The following RGS22 variants were observed in gnomAD, a reference collection of about 807,000 sequenced individuals.
RGS22 encodes regulator of G protein signaling 22.
RGS22 carries 148 observed loss-of-function variants against 172.9 expected under a neutral mutation model. The observed-to-expected ratio is 0.86, with a 90% CI of 0.75 to 0.98. RGS22 has a LOEUF of 0.98. Among genes scored for constraint, RGS22 ranks in the 50% least tolerant of loss-of-function variants. RGS22 has a pLI of 0.00. For missense variants in RGS22, 1,347 were observed against 1,440.8 expected (o/e 0.93, Z 1.05); for synonymous variants, 458 against 480.2 (o/e 0.95, Z 0.60).
At chr8:100,042,552 A>G (rs1429182179) in intron 11 of RGS22, among the ~76,000 whole-genome samples, 3 of 152,232 alleles carry the variant, frequency 2.0e-5, no homozygotes, top group Non-Finnish European at 4.4e-5. Flanking sequence ...CTTTGGAGTT[A>G]GACTAATGAC....
At chr8:100,105,838 G>A (rs1813893977) in intron 1 of RGS22, 59 bp downstream of exon 1, 1 of 1,406,918 alleles carries the variant, frequency 7.1e-7, no homozygotes, top group Non-Finnish European at 9.6e-7. Context: ...AGAGGCTGGC[G>A]CGTGGTGCGG....
At chr8:100,045,008 C>T (rs1199216975) in intron 11 of RGS22, among the ~76,000 whole-genome samples, 1 of 152,020 alleles carries the variant, frequency 6.6e-6, no homozygotes, top group Non-Finnish European at 1.5e-5. Flanking sequence ...ACTGGCTGGG[C>T]TTGGTGGCTC....
At chr8:100,096,680 T>G (rs1813000031) in intron 2 of RGS22, among the ~76,000 whole-genome samples, 1 of 150,978 alleles carries the variant, frequency 6.6e-6, no homozygotes, top group Admixed American at 6.6e-5. Flanking sequence ...AATTTTTTTT[T>G]TTTTTTTTGG....
chr8:100,047,355 C>T, intron 11 of RGS22, 108 bp downstream of exon 11: 1 of 961,746 alleles, frequency 1.0e-6, no homozygotes, highest in Non-Finnish European at 1.5e-6. Flanking sequence ...ATTAAGAACC[C>T]ATGTAAAAAT....
intron 2 of RGS22, among the ~76,000 whole-genome samples, chr8:100,098,708 T>C (rs1813176322): frequency 6.6e-6 from 1 of 151,936 alleles, no homozygotes; most frequent in Non-Finnish European, 1.5e-5. Context: ...CTTTCTTCCT[T>C]CTTCTTCTCT....
intron 4 of RGS22, among the ~76,000 whole-genome samples, chr8:100,074,753 T>A (rs2126075): frequency 6.6e-6 from 1 of 151,712 alleles, no homozygotes; most frequent in African/African-American, 2.4e-5. Flanking sequence ...TTTTTTGTTT[T>A]TTTTTTGTTT....
intron 3 of RGS22, among the ~76,000 whole-genome samples, chr8:100,089,682 C>A (rs1354437416): frequency 2.0e-5 from 3 of 152,154 alleles, no homozygotes; most frequent in African/African-American, 7.2e-5. Context: ...TTATTGAGTG[C>A]TTTCTGTGCT....
Position 99,987,461 on chromosome 8 carries a change from A to G in RGS22, c.3177T>C (p.Tyr1059=), listed in dbSNP as rs1490200518. The change falls in exon 21 of 28, where the codon TAT becomes TAC. Residue 1059 remains tyrosine (Y), a synonymous_variant. Transcript: ENST00000360863. ...TCTCTAGCTCCCAATACAATACCTT[A>G]TATTTTTGTACTTCTTGCCAAAAGA... is the stretch of plus-strand genomic sequence containing the variant. ...GLLFWQEVQK[Y]KDLCHSHCDE... is the part of the protein sequence containing the mutation. 3 of 1,602,540 alleles carry G rather than the reference A, an allele frequency of 1.9e-6. No homozygotes were observed. The highest frequency in any genetic ancestry group is 2.2e-5 in the South Asian group (2 of 89,156).
At chr8:100,091,294 CAA>C (rs370090165) in intron 3 of RGS22, among the ~76,000 whole-genome samples, 13 of 67,254 alleles carry the variant, frequency 1.9e-4, no homozygotes, top group Non-Finnish European at 2.4e-4. Flanking sequence ...AGAGGAACTC[CAA>C]AAAAAAAAAA....
chr8:100,093,432 TA>T lies in RGS22; in HGVS notation c.117+14del. 6.7e-7 allele frequency: 1 copy of T among 1,496,058 alleles called. No individual in the cohort carries two copies. Among genetic ancestry groups the T allele is most frequent in the East Asian group, 2.3e-5 (1 of 44,192 alleles). 92.7% of individuals were successfully genotyped at this position (1,496,058 alleles called of 1,614,324 possible). ...TTGATAATATATATTCAATAGATCA[TA>T]ATAATAAACTCACTGGAAGGCTTAG... On this transcript the variant is annotated intron_variant, in intron 3 of 27. Coordinates refer to ENST00000360863, the MANE Select transcript of RGS22 (RefSeq NM_015668.5).
At chr8:100,012,187 A>G (rs1273008216) in intron 14 of RGS22, among the ~76,000 whole-genome samples, 2 of 152,126 alleles carry the variant, frequency 1.3e-5, no homozygotes, top group Admixed American at 1.3e-4. Context: ...TGTGAGGTCC[A>G]TGACACGCAG....
At chr8:100,104,329 C>CGTGTGTGTGTGTGT (rs34385626) in intron 2 of RGS22, among the ~76,000 whole-genome samples, 7 of 140,404 alleles carry the variant, frequency 5.0e-5, no homozygotes, top group Middle Eastern at 3.7e-3. Flanking sequence ...AAAATATGTG[C>CGTGTGTGTGTGTGT]GTGTGTGTGT....
chr8:100,093,793 A>G (rs1812764340), intron 2 of RGS22, among the ~76,000 whole-genome samples: 1 of 152,204 alleles, frequency 6.6e-6, no homozygotes, highest in African/African-American at 2.4e-5. Flanking sequence ...AATATAGCAC[A>G]ACACTTAAAT....
At chr8:100,078,121 GGTTA>G (rs1298295900) in intron 4 of RGS22, among the ~76,000 whole-genome samples, 3 of 152,042 alleles carry the variant, frequency 2.0e-5, no homozygotes, top group East Asian at 3.9e-4. Context: ...TCATTTTTAA[GGTTA>G]GTTTCTTGTA....
intron 14 of RGS22, among the ~76,000 whole-genome samples, chr8:100,017,676 T>A (rs1320046912): frequency 6.6e-6 from 1 of 152,144 alleles, no homozygotes; most frequent in Non-Finnish European, 1.5e-5. Flanking sequence ...ACAACACACT[T>A]AAAATCTTTA....
chr8:100,001,202 T>TTATATATATATATATATATACATATA (rs140189906), intron 18 of RGS22, among the ~76,000 whole-genome samples: 3 of 124,780 alleles, frequency 2.4e-5, no homozygotes, highest in African/African-American at 9.2e-5. Flanking sequence ...TCCCAATTTT[T>TTATATATATATATATATATACATATA]TATATATATA....
chr8:100,103,554 TAA>T (rs1200253801), intron 2 of RGS22, among the ~76,000 whole-genome samples: 3 of 151,984 alleles, frequency 2.0e-5, no homozygotes, highest in South Asian at 2.1e-4. Context: ...ATTCAGATGA[TAA>T]AGAGTCCCAA....
At chr8:100,102,607 G>A (rs1253778259) in intron 2 of RGS22, among the ~76,000 whole-genome samples, 1 of 152,176 alleles carries the variant, frequency 6.6e-6, no homozygotes, top group African/African-American at 2.4e-5. Flanking sequence ...CAGGCAGTCT[G>A]GATGATGTTA....
intron 14 of RGS22, among the ~76,000 whole-genome samples, chr8:100,026,065 T>A (rs1818143728): frequency 6.6e-6 from 1 of 152,194 alleles, no homozygotes; most frequent in Non-Finnish European, 1.5e-5. Context: ...AGCAATAACA[T>A]GTTTAGGCTA....
Sources: allele counts gnomAD v4.1 joint callset (sites outside exome capture counted in the v4.1 genomes callset), GRCh38; gene constraint gnomAD v4.1.1; transcripts MANE v1.5; gene names NCBI Gene and HGNC (gene_info 2026-07-23, HGNC 2026-07-21).